Variants in SOCS4 observed in about 807,000 individuals in gnomAD.
SOCS4 encodes the protein suppressor of cytokine signaling 4.
SOCS4 carries 20 observed loss-of-function variants against 34.1 expected under a neutral mutation model. The observed-to-expected ratio is 0.59, with a 90% CI of 0.41 to 0.85. The LOEUF is 0.85. Among genes scored for constraint, SOCS4 ranks in the 40% least tolerant of loss-of-function variants. SOCS4 has a pLI of 0.00. For missense variants in SOCS4, 479 were observed against 532.4 expected (o/e 0.90, Z 0.99); for synonymous variants, 180 against 186.4 (o/e 0.97, Z 0.28).
At chr14:55,034,417 G>C (rs903317980) in intron 2 of SOCS4, among the ~76,000 whole-genome samples, 1 of 152,182 alleles carries the variant, frequency 6.6e-6, no homozygotes, top group African/African-American at 2.4e-5. Flanking sequence ...TGGGGCAAAA[G>C]ATAACATTTT....
At chr14:55,028,372 G>A (rs1418810588) in intron 1 of SOCS4, among the ~76,000 whole-genome samples, 3 of 152,082 alleles carry the variant, frequency 2.0e-5, no homozygotes, top group East Asian at 3.8e-4. Context: ...TTGATCTCCC[G>A]AAAGAGCAGT....
At chr14:55,032,858 C>T (rs1394778039) in intron 2 of SOCS4, among the ~76,000 whole-genome samples, 9 of 152,164 alleles carry the variant, frequency 5.9e-5, no homozygotes, top group Non-Finnish European at 1.2e-4. Context: ...TCTCAGCTCA[C>T]TGCAAGGTCC....
chr14:55,030,038 C>T (rs2042514480), intron 1 of SOCS4, among the ~76,000 whole-genome samples: 1 of 152,134 alleles, frequency 6.6e-6, no homozygotes, highest in Non-Finnish European at 1.5e-5. Flanking sequence ...TTTATCTAGT[C>T]TTTATCTAGT....
chr14:55,028,172 T>C (rs1416216655), intron 1 of SOCS4, among the ~76,000 whole-genome samples: 2 of 152,196 alleles, frequency 1.3e-5, no homozygotes, highest in East Asian at 3.8e-4. Context: ...TTCAATCTAG[T>C]TCCATTGTGA....
Position 55,043,266 on chromosome 14 carries a change from G to A in SOCS4, c.225G>A (p.Glu75=). The change falls in exon 3 of 3, where the codon GAG becomes GAA. Residue 75 remains glutamate (E), a synonymous_variant. Coordinates refer to ENST00000555846, the MANE Select transcript of SOCS4 (RefSeq NM_199421.2). The part of the protein sequence containing the change: ...QERKHSCSSI[E]LDLDHSCGHR... ...GGAAGCACAGCTGTTCATCCATTGAGTTGGACTTAGATCATTCCTGTGGGC... is the reference window on the plus strand; with the variant it reads ...GGAAGCACAGCTGTTCATCCATTGAATTGGACTTAGATCATTCCTGTGGGC... The A allele has an allele frequency of 6.2e-7, 1 of 1,614,240 alleles. No individual in the cohort carries two copies. The highest frequency in any genetic ancestry group is 8.5e-7 in the Non-Finnish European group (1 of 1,180,044).
At chr14:55,033,170 A>C (rs1033572867) in intron 2 of SOCS4, among the ~76,000 whole-genome samples, 6 of 152,042 alleles carry the variant, frequency 3.9e-5, no homozygotes, top group African/African-American at 1.4e-4. Flanking sequence ...CTTTTTTTTT[A>C]CATTCAGATT....
At chr14:55,029,137 C>A (rs2042505519) in intron 1 of SOCS4, among the ~76,000 whole-genome samples, 1 of 152,114 alleles carries the variant, frequency 6.6e-6, no homozygotes, top group South Asian at 2.1e-4. Context: ...AATTGTAATA[C>A]CTTCAGTGAG....
At chr14:55,030,371 A>G (rs2042518018) in intron 1 of SOCS4, among the ~76,000 whole-genome samples, 1 of 152,138 alleles carries the variant, frequency 6.6e-6, no homozygotes, top group Non-Finnish European at 1.5e-5. Flanking sequence ...AAAACTTTTT[A>G]AAAATAATAT....
intron 1 of SOCS4, among the ~76,000 whole-genome samples, chr14:55,028,090 C>T (rs961247745): frequency 6.6e-6 from 1 of 152,058 alleles, no homozygotes; most frequent in Admixed American, 6.6e-5. Context: ...TTTGTGATAC[C>T]TTCCAGTATC....
intron 1 of SOCS4, among the ~76,000 whole-genome samples, chr14:55,028,202 C>T (rs1293400665): frequency 2.0e-5 from 3 of 152,054 alleles, no homozygotes; most frequent in African/African-American, 4.8e-5. Context: ...AACACACAGG[C>T]AAACCGTCGT....
intron 2 of SOCS4, among the ~76,000 whole-genome samples, chr14:55,034,115 A>G (rs1164180381): frequency 6.6e-6 from 1 of 152,222 alleles, no homozygotes. Context: ...CCTGGGTGAC[A>G]GTGAGACCCT....
At chr14:55,028,487 T>G (rs2042492427) in intron 1 of SOCS4, among the ~76,000 whole-genome samples, 1 of 152,088 alleles carries the variant, frequency 6.6e-6, no homozygotes, top group Non-Finnish European at 1.5e-5. Flanking sequence ...AGTAACAATA[T>G]CATTGGCTAG....
intron 2 of SOCS4, among the ~76,000 whole-genome samples, chr14:55,036,927 TA>T (rs905710613): frequency 4.0e-5 from 6 of 151,850 alleles, no homozygotes; most frequent in Non-Finnish European, 8.8e-5. Context: ...CCAGCCTAGA[TA>T]ACATGGCAGG....
Position 55,043,374 on chromosome 14 carries a change from G to A in SOCS4, c.333G>A (p.Arg111=). Residue 111 remains arginine, a synonymous_variant, in exon 3 of 3, where the codon CGG becomes CGA. Transcript: ENST00000555846. ...QCFPIKNCSS[R]HSSGLPSKRK... ...TTCCAATAAAGAATTGTAGTAGTCG[G>A]CACTCTTCAGGGCTTCCGTCTAAAA... 6.2e-7 allele frequency: 1 copy of A among 1,614,144 alleles called. No individual in the cohort carries two copies. The highest frequency in any genetic ancestry group is 8.5e-7 in the Non-Finnish European group (1 of 1,180,026).
At chr14:55,040,916 G>C (rs1343646024) in intron 2 of SOCS4, among the ~76,000 whole-genome samples, 1 of 149,866 alleles carries the variant, frequency 6.7e-6, no homozygotes, top group Non-Finnish European at 1.5e-5. Flanking sequence ...TTTGGAACTG[G>C]GGTCTCACTC....
At chr14:55,042,225 C>T (rs1594614837) in intron 2 of SOCS4, among the ~76,000 whole-genome samples, 1 of 152,242 alleles carries the variant, frequency 6.6e-6, no homozygotes, top group East Asian at 1.9e-4. Flanking sequence ...AAAGGCAGTG[C>T]CTTATAGAAA....
At chr14:55,038,833 A>G (rs992331018) in intron 2 of SOCS4, among the ~76,000 whole-genome samples, 2 of 152,076 alleles carry the variant, frequency 1.3e-5, no homozygotes, top group African/African-American at 4.8e-5. Context: ...CCTGAATTGT[A>G]CCTGCTCTGT....
At chr14:55,031,649 G>T (rs1200245263) in intron 1 of SOCS4, among the ~76,000 whole-genome samples, 1 of 152,170 alleles carries the variant, frequency 6.6e-6, no homozygotes, top group Non-Finnish European at 1.5e-5. Flanking sequence ...GGAAAGGAGG[G>T]TGTAGTGCTA....
chr14:55,033,317 T>G (rs2042545361), intron 2 of SOCS4, among the ~76,000 whole-genome samples: 1 of 152,214 alleles, frequency 6.6e-6, no homozygotes, highest in Non-Finnish European at 1.5e-5. Context: ...TTTTATATTT[T>G]AGAATTTTGG....
Sources: gnomAD v4.1 joint callset for allele counts (sites outside exome capture counted in the v4.1 genomes callset) on GRCh38, gnomAD v4.1.1 for gene constraint, MANE v1.5 for transcripts, NCBI Gene and HGNC (gene_info 2026-07-23, HGNC 2026-07-21) for gene names.